THOC1: variants seen among roughly 807,000 people sequenced by gnomAD.
THOC1 encodes THO complex 1.
Under a neutral mutation model 97.3 loss-of-function variants are expected in THOC1, and 29 were observed. That is an observed-to-expected ratio of 0.30 (90% CI 0.22 to 0.41). THOC1 has a LOEUF of 0.41. Among genes scored for constraint, THOC1 ranks in the 10% least tolerant of loss-of-function variants. The probability of loss-of-function intolerance (pLI) is 1.00; values close to 1 mark genes in which losing one functional copy is unlikely to be tolerated. For missense variants in THOC1, 529 were observed against 761.9 expected (o/e 0.69, Z 3.60); for synonymous variants, 255 against 257.0 (o/e 0.99, Z 0.07).
At chr18:236,811 A>C (rs938395387) in intron 11 of THOC1, among the ~76,000 whole-genome samples, 2 of 152,194 alleles carry the variant, frequency 1.3e-5, no homozygotes, top group African/African-American at 4.8e-5. Flanking sequence ...CCAGTGAGGT[A>C]CAGTACACAA....
rs769210811 is a variant in THOC1, at chr18:264,086, G to A, written c.196C>T (p.His66Tyr). Reference sequence around the variant, plus strand: ...GCTAAAACGTTTTCACATGATGAATGATTTATCTACCAACAGAGGAGAAAC... The same window carrying A: ...GCTAAAACGTTTTCACATGATGAATAATTTATCTACCAACAGAGGAGAAAC... The part of the protein sequence containing the change: ...RGILEEEIIN[H>Y]SSCENVLAII... Residue 66 changes from histidine to tyrosine, a missense_variant, in exon 4 of 21, where the codon CAT (histidine) becomes TAT (tyrosine). Physicochemically the swap from His to Tyr is moderately conservative, Grantham distance 83. Transcript: ENST00000261600. The A allele has an allele frequency of 6.2e-7, 1 of 1,609,862 alleles. No individual in the cohort carries two copies. The highest frequency in any genetic ancestry group is 8.5e-7 in the Non-Finnish European group (1 of 1,177,126).
Position 221,671 on chromosome 18 carries a change from C to T in THOC1, c.1370+1769G>A, listed in dbSNP as rs62073496. Among the ~76,000 whole-genome samples the T allele has an allele frequency of 2.3e-3, 311 of 136,624 alleles. 1 individual carries two copies. Among genetic ancestry groups the T allele is most frequent in the Non-Finnish European group, 3.4e-3 (222 of 66,142 alleles). The allele number at this position is 136,624 out of a possible 152,430, so 89.6% of individuals were successfully genotyped here. A position where few individuals can be genotyped will look rare whatever the true frequency, so the allele number is the denominator to read the frequency against. ...TCGCCCAGGCTGGAGTGCAGTGGTGCGATCTCGACTCACTGCAAGCTCCGC... is the reference window on the plus strand; with the variant it reads ...TCGCCCAGGCTGGAGTGCAGTGGTGTGATCTCGACTCACTGCAAGCTCCGC... On this transcript the variant is annotated intron_variant, in intron 17 of 20. Transcript: ENST00000261600.
chr18:224,202 TA>T (rs1254741905), intron 15 of THOC1, 23 bp from the exon 16 acceptor site: 2 of 1,492,884 alleles, frequency 1.3e-6, no homozygotes, highest in East Asian at 4.6e-5. Context: ...AAACATACAC[TA>T]TTTTTTGAAT....
chr18:267,854 GC>G, intron 1 of THOC1, 111 bp downstream of exon 1: 1 of 1,123,854 alleles, frequency 8.9e-7, no homozygotes, highest in Non-Finnish European at 1.2e-6. Flanking sequence ...GGACGCTGAG[GC>G]GGACACACCT....
At chr18:263,144 G>A (rs903094885) in intron 4 of THOC1, among the ~76,000 whole-genome samples, 4 of 152,078 alleles carry the variant, frequency 2.6e-5, no homozygotes, top group South Asian at 2.1e-4. Context: ...GCAGTGGCTC[G>A]AGCTCAGCTC....
intron 11 of THOC1, among the ~76,000 whole-genome samples, chr18:237,610 A>T (rs1425705349): frequency 6.6e-6 from 1 of 152,184 alleles, no homozygotes; most frequent in Non-Finnish European, 1.5e-5. Flanking sequence ...AGATTAGGAA[A>T]AAAAAAATAC....
chr18:216,188 A>G, intron 19 of THOC1: 1 of 260,366 alleles, frequency 3.8e-6, no homozygotes, highest in Non-Finnish European at 7.4e-6. Context: ...TCTTGACCTC[A>G]TGATCCACCC....
chr18:226,958 C>A, intron 11 of THOC1, 57 bp from the exon 12 acceptor site: 2 of 1,342,676 alleles, frequency 1.5e-6, no homozygotes, highest in South Asian at 1.3e-5. Flanking sequence ...CAAGTTTTTC[C>A]TAAAGGTACA....
At chr18:234,748 CTGTA>C (rs1911613034) in intron 11 of THOC1, among the ~76,000 whole-genome samples, 1 of 137,138 alleles carries the variant, frequency 7.3e-6, no homozygotes, top group South Asian at 2.7e-4. Flanking sequence ...CTAGGATAAA[CTGTA>C]TGTCTCTATT....
In THOC1 at chr18:254,817, ATTT is replaced by A. The variant is rs778235053; in HGVS notation, c.521-465_521-463del. ...CATCTAAGATCTAAGACAGTAAACTATTTTTTTTTTTTTTTGAGACAGCGACTC... is the reference window on the plus strand; with the variant it reads ...CATCTAAGATCTAAGACAGTAAACTATTTTTTTTTTTTGAGACAGCGACTC... On this transcript the variant is annotated intron_variant, in intron 7 of 20. Coordinates refer to ENST00000261600, the MANE Select transcript of THOC1 (RefSeq NM_005131.3). This position sits in a 1 kb window ranked among gnomAD's most constrained non-coding sequence, Gnocchi z 4.1. Among the ~76,000 whole-genome samples, 2 of 140,238 alleles carry A rather than the reference ATTT, an allele frequency of 1.4e-5. No homozygotes were observed. Among genetic ancestry groups the A allele is most frequent in the Admixed American group, 7.1e-5 (1 of 14,004 alleles). The allele number at this position is 140,238 out of a possible 152,430, so 92.0% of individuals were successfully genotyped here. A position where few individuals can be genotyped will look rare whatever the true frequency, so the allele number is the denominator to read the frequency against.
At chr18:255,269 C>T (rs1018747709) in intron 7 of THOC1, among the ~76,000 whole-genome samples, 1 of 152,168 alleles carries the variant, frequency 6.6e-6, no homozygotes, top group Non-Finnish European at 1.5e-5. Flanking sequence ...GTAATTAAGG[C>T]ATGTCAAAAG....
At chr18:226,694 G>T (rs950079007) in intron 12 of THOC1, 107 bp downstream of exon 12, 1 of 736,202 alleles carries the variant, frequency 1.4e-6, no homozygotes, top group Non-Finnish European at 2.2e-6. Context: ...GTGTTTTAGG[G>T]ATACAGCCTT....
intron 8 of THOC1, among the ~76,000 whole-genome samples, chr18:253,683 T>C (rs1039299810): frequency 7.9e-5 from 12 of 152,158 alleles, no homozygotes; most frequent in African/African-American, 2.7e-4. Context: ...TACCTTATGA[T>C]TAACACTATT....
chr18:220,341 C>T (rs8094221), intron 17 of THOC1, among the ~76,000 whole-genome samples: 1 of 152,082 alleles, frequency 6.6e-6, no homozygotes, highest in Non-Finnish European at 1.5e-5. Flanking sequence ...AAAGCTAATG[C>T]TTCACAAAAG....
Position 265,487 on chromosome 18 carries a change from A to G in THOC1, c.98T>C (p.Leu33Ser). 6.3e-7 allele frequency: 1 copy of G among 1,597,440 alleles called. No homozygotes were observed. Among genetic ancestry groups the G allele is most frequent in the South Asian group, 1.1e-5 (1 of 87,808 alleles). ...EALNNKNIKP[L>S]LSTFSQVPGS... The stretch of plus-strand genomic sequence containing the variant: ...AGGTACCTGGCTGAAGGTACTTAAC[A>G]ATGGCTTGATGTTTTTGTTGTTCAA... The change falls in exon 2 of 21, where the codon TTG becomes TCG. Residue 33 changes from leucine (L) to serine (S), a missense_variant. Physicochemically the swap from Leu to Ser is moderately radical, Grantham distance 145. Transcript: ENST00000261600.
At chr18:217,801 G>C (rs948669976) in intron 18 of THOC1, among the ~76,000 whole-genome samples, 1 of 152,114 alleles carries the variant, frequency 6.6e-6, no homozygotes, top group Non-Finnish European at 1.5e-5. Context: ...GGGAAAAAGT[G>C]GTTCAAGCAA....
At chr18:218,464 A>G (rs1910968950) in intron 18 of THOC1, among the ~76,000 whole-genome samples, 1 of 152,156 alleles carries the variant, frequency 6.6e-6, no homozygotes. Context: ...CTGAAATGGA[A>G]TGTGAGGTGG....
chr18:231,512 T>C (rs1911485067), intron 11 of THOC1, among the ~76,000 whole-genome samples: 1 of 152,128 alleles, frequency 6.6e-6, no homozygotes, highest in African/African-American at 2.4e-5. Context: ...TCATAACACA[T>C]CAGCTGAGAT....
At position 254,309 on chromosome 18, in the gene THOC1, GA is replaced by G; in HGVS notation, c.566del (p.Phe189SerfsTer24). On this transcript the variant is annotated frameshift_variant, in exon 8 of 21. Transcript: ENST00000261600. LOFTEE classifies it high-confidence loss of function. This position sits in a 1 kb window ranked among gnomAD's most constrained non-coding sequence, Gnocchi z 4.1. ...SQFNLENVTV[F>X]NTNEQESTLG... ...GGGTGCTTTCCTGCTCATTTGTATT[GA>G]AAACAGTGACATTTTCCAGATTAAA... 6.3e-7 allele frequency: 1 copy of G among 1,583,252 alleles called. No homozygotes were observed. Among genetic ancestry groups the G allele is most frequent in the South Asian group, 1.2e-5 (1 of 86,230 alleles).
Sources: allele counts gnomAD v4.1 joint callset (sites outside exome capture counted in the v4.1 genomes callset), GRCh38; gene constraint gnomAD v4.1.1; non-coding constraint Gnocchi (gnomAD v3.1); transcripts MANE v1.5; gene names NCBI Gene and HGNC (gene_info 2026-07-23, HGNC 2026-07-21).